Variants in CCSER1 observed in about 807,000 individuals in gnomAD.
The protein encoded by CCSER1 is serine-rich coiled-coil domain-containing protein 1.
CCSER1 carries 41 observed loss-of-function variants against 82.0 expected under a neutral mutation model. The ratio of observed to expected loss-of-function variants is 0.50; its 90% CI spans 0.39 to 0.65. The LOEUF is 0.65. Among genes scored for constraint, CCSER1 ranks in the 30% least tolerant of loss-of-function variants. The pLI, the probability that CCSER1 is intolerant of heterozygous loss-of-function variation, is 0.00. For synonymous variants in CCSER1, 414 were observed against 383.9 expected (o/e 1.08, Z -0.92); for missense variants, 1,119 against 1,064.2 (o/e 1.05, Z -0.72).
intron 10 of CCSER1, among the ~76,000 whole-genome samples, chr4:91,553,509 T>C (rs936113418): frequency 3.3e-5 from 5 of 151,510 alleles, no homozygotes; most frequent in Admixed American, 6.6e-5. Context: ...AATGAATCCA[T>C]GAAGTCCTGG....
chr4:90,807,682 C>T (rs1377922), intron 7 of CCSER1, among the ~76,000 whole-genome samples: 51,270 of 150,122 alleles, frequency 0.34, 8,906 homozygotes, highest in East Asian at 0.42. Context: ...ATATACTTAA[C>T]CAAGGAGATG....
At chr4:90,143,684 C>CTTTT (rs70963057) in intron 1 of CCSER1, among the ~76,000 whole-genome samples, 1 of 138,608 alleles carries the variant, frequency 7.2e-6, no homozygotes, top group African/African-American at 2.6e-5. Context: ...TCCATTCCTA[C>CTTTT]TTTTTTTTTT....
chr4:90,471,988 A>G (rs924924402), intron 5 of CCSER1, among the ~76,000 whole-genome samples: 1 of 152,114 alleles, frequency 6.6e-6, no homozygotes, highest in Admixed American at 6.6e-5. Flanking sequence ...AAAAAAAAAA[A>G]TAGTAGACAT....
At chr4:90,435,729 T>C (rs990291614) in intron 4 of CCSER1, among the ~76,000 whole-genome samples, 2 of 152,128 alleles carry the variant, frequency 1.3e-5, no homozygotes, top group Non-Finnish European at 2.9e-5. Context: ...GTTCTTCACC[T>C]AAGCTGTGTA....
chr4:91,350,093 G>A (rs1319642234), intron 10 of CCSER1, among the ~76,000 whole-genome samples: 46 of 152,088 alleles, frequency 3.0e-4, no homozygotes, highest in Admixed American at 2.9e-3. Flanking sequence ...TGCCATATTG[G>A]AAACTGGAAG....
chr4:90,809,338 ACACG>A (rs980007788), intron 7 of CCSER1, among the ~76,000 whole-genome samples: 18 of 145,758 alleles, frequency 1.2e-4, no homozygotes, highest in Non-Finnish European at 2.5e-4. Context: ...ACACACACAC[ACACG>A]CACACACACA....
At chr4:91,370,359 A>T (rs1439982004) in intron 10 of CCSER1, among the ~76,000 whole-genome samples, 1 of 152,184 alleles carries the variant, frequency 6.6e-6, no homozygotes, top group Non-Finnish European at 1.5e-5. Context: ...AAATACAGGA[A>T]CCAAATCTCA....
At chr4:90,956,085 C>G (rs866241186) in intron 9 of CCSER1, among the ~76,000 whole-genome samples, 18 of 152,152 alleles carry the variant, frequency 1.2e-4, no homozygotes, top group Admixed American at 2.6e-4. Flanking sequence ...GAGAACAGTG[C>G]TGGACACATC....
intron 8 of CCSER1, among the ~76,000 whole-genome samples, chr4:90,842,436 A>G (rs985646804): frequency 1.3e-5 from 2 of 152,160 alleles, no homozygotes; most frequent in African/African-American, 4.8e-5. Context: ...AGATGCAAAA[A>G]TGGGTACAGA....
intron 5 of CCSER1, among the ~76,000 whole-genome samples, chr4:90,523,779 T>G (rs955016462): frequency 4.6e-5 from 7 of 152,096 alleles, no homozygotes; most frequent in Non-Finnish European, 1.0e-4. Flanking sequence ...GTACGAAGAT[T>G]TCCTAAAAGT....
At chr4:90,128,155 C>G (rs751231830) in intron 1 of CCSER1, among the ~76,000 whole-genome samples, 73 of 152,134 alleles carry the variant, frequency 4.8e-4, no homozygotes, top group Admixed American at 1.4e-3. Flanking sequence ...GAGCGCTGGC[C>G]AAGGCGGCGA....
At chr4:90,775,308 C>A (rs547758544) in intron 7 of CCSER1, among the ~76,000 whole-genome samples, 1 of 152,250 alleles carries the variant, frequency 6.6e-6, no homozygotes, top group African/African-American at 2.4e-5. Context: ...GTTAACTCTT[C>A]TACAGCTTTG....
chr4:91,151,765 T>C (rs555278136), intron 10 of CCSER1, among the ~76,000 whole-genome samples: 65 of 152,350 alleles, frequency 4.3e-4, no homozygotes, highest in African/African-American at 1.5e-3. Context: ...TTGTTCAGTT[T>C]CCATGTAGTT....
chr4:91,115,467 C>T (rs1381190221), intron 10 of CCSER1, among the ~76,000 whole-genome samples: 1 of 152,126 alleles, frequency 6.6e-6, no homozygotes, highest in East Asian at 1.9e-4. Flanking sequence ...GTTGGGACTA[C>T]AGGTGTGCGC....
At chr4:90,267,899 A>G (rs1416391653) in intron 1 of CCSER1, among the ~76,000 whole-genome samples, 1 of 152,194 alleles carries the variant, frequency 6.6e-6, no homozygotes, top group Admixed American at 6.5e-5. Flanking sequence ...CACAGATTGC[A>G]AGGGAATAGA....
chr4:91,543,551 T>C (rs1015649393), intron 10 of CCSER1, among the ~76,000 whole-genome samples: 1 of 152,150 alleles, frequency 6.6e-6, no homozygotes, highest in Non-Finnish European at 1.5e-5. Flanking sequence ...TCTTTCTCTT[T>C]CCCTTATGAA....
intron 3 of CCSER1, among the ~76,000 whole-genome samples, chr4:90,373,270 A>T (rs567234507): frequency 7.2e-5 from 11 of 152,294 alleles, no homozygotes; most frequent in Non-Finnish European, 1.3e-4. Context: ...ATAGGGTTAT[A>T]TTTGGGCGTA....
intron 4 of CCSER1, among the ~76,000 whole-genome samples, chr4:90,456,833 G>T (rs534139754): frequency 6.6e-6 from 1 of 152,206 alleles, no homozygotes; most frequent in Non-Finnish European, 1.5e-5. Context: ...TGCAGATCCT[G>T]GATGAGCCCC....
chr4:90,808,339 T>C (rs1355105839), intron 7 of CCSER1, among the ~76,000 whole-genome samples: 1 of 152,082 alleles, frequency 6.6e-6, no homozygotes, highest in African/African-American at 2.4e-5. Flanking sequence ...AGGCAAAGAA[T>C]TTTTGACTAT....
Sources: allele counts gnomAD v4.1 joint callset (sites outside exome capture counted in the v4.1 genomes callset), GRCh38; gene constraint gnomAD v4.1.1; transcripts MANE v1.5; gene names NCBI Gene and HGNC (gene_info 2026-07-23, HGNC 2026-07-21).